Variants in PRR16 observed in about 807,000 individuals in gnomAD.
PRR16 encodes the protein proline rich 16, also known as protein Largen.
Under a neutral mutation model 18.2 loss-of-function variants are expected in PRR16, and 6 were observed. The observed-to-expected ratio is 0.33, with a 90% CI of 0.18 to 0.65. The LOEUF is 0.65. Among genes scored for constraint, PRR16 ranks in the 30% least tolerant of loss-of-function variants. The probability of loss-of-function intolerance (pLI) is 0.74; values close to 1 mark genes in which losing one functional copy is unlikely to be tolerated. For synonymous variants in PRR16, 151 were observed against 147.8 expected, an observed-to-expected ratio of 1.02 and a Z score of -0.16; for missense variants, 412 against 376.6, an observed-to-expected ratio of 1.09 and a Z score of -0.78.
intron 1 of PRR16, among the ~76,000 whole-genome samples, chr5:120,576,866 G>C (rs1753095680): frequency 6.6e-6 from 1 of 151,968 alleles, no homozygotes; most frequent in Non-Finnish European, 1.5e-5. Flanking sequence ...AGAGTTTTCT[G>C]CCTCTATAAT....
chr5:120,763,472 T>TTC, the PRR16 span, among the ~76,000 whole-genome samples: 2 of 152,158 alleles, frequency 1.3e-5, no homozygotes, highest in African/African-American at 4.8e-5. Context: ...TGGACATATT[T>TTC]TCCAAGGTAA....
intron 1 of PRR16, among the ~76,000 whole-genome samples, chr5:120,494,166 T>C (rs1288759834): frequency 2.0e-5 from 3 of 152,158 alleles, no homozygotes; most frequent in Non-Finnish European, 2.9e-5. Context: ...GTATAAGTTA[T>C]CTGGTTTCAC....
At chr5:120,700,426 C>T in the PRR16 span, among the ~76,000 whole-genome samples, 1 of 151,850 alleles carries the variant, frequency 6.6e-6, no homozygotes, top group South Asian at 2.1e-4. Context: ...GTATCTCATA[C>T]TTGTGGGTTA....
At chr5:120,482,760 T>C in intron 1 of PRR16, among the ~76,000 whole-genome samples, 1 of 152,294 alleles carries the variant, frequency 6.6e-6, no homozygotes, top group East Asian at 1.9e-4. Flanking sequence ...AAGAACCTTG[T>C]ATGCCTTTTA....
chr5:120,669,833 T>C (rs925720296), intron 1 of PRR16, among the ~76,000 whole-genome samples: 3 of 152,076 alleles, frequency 2.0e-5, no homozygotes, highest in Admixed American at 6.6e-5. Context: ...TAATAATTCA[T>C]AGAGAATTTA....
intron 1 of PRR16, chr5:120,481,108 A>C: frequency 8.4e-7 from 1 of 1,185,706 alleles, no homozygotes; most frequent in Non-Finnish European, 1.1e-6. Context: ...GAATTTTCAA[A>C]TTAAACACAG....
intron 1 of PRR16, among the ~76,000 whole-genome samples, chr5:120,613,161 G>C (rs1373061891): frequency 6.6e-6 from 1 of 152,144 alleles, no homozygotes; most frequent in Non-Finnish European, 1.5e-5. Flanking sequence ...ATAATGTCAA[G>C]TAAAATGAAG....
intron 1 of PRR16, among the ~76,000 whole-genome samples, chr5:120,486,710 A>T (rs189526694): frequency 0.011 from 1,672 of 152,232 alleles, 13 homozygotes; most frequent in East Asian, 0.033. Flanking sequence ...TTTAGACATG[A>T]AGTCCTTGCC....
the PRR16 span, among the ~76,000 whole-genome samples, chr5:120,748,366 A>G: frequency 5.3e-5 from 8 of 152,108 alleles, no homozygotes; most frequent in East Asian, 1.9e-4. Context: ...GAAATATCAC[A>G]TATTTTCCTT....
chr5:120,756,599 A>T, the PRR16 span, among the ~76,000 whole-genome samples: 1 of 151,838 alleles, frequency 6.6e-6, no homozygotes, highest in Admixed American at 6.6e-5. Context: ...GTCTTTTGAG[A>T]AGTGTCTGTT....
At chr5:120,554,796 C>T (rs570220363) in intron 1 of PRR16, among the ~76,000 whole-genome samples, 1 of 151,928 alleles carries the variant, frequency 6.6e-6, no homozygotes, top group South Asian at 2.1e-4. Flanking sequence ...GGTTGGGATT[C>T]GAAGGAAGGA....
At chr5:120,717,560 A>C in the PRR16 span, among the ~76,000 whole-genome samples, 1 of 152,334 alleles carries the variant, frequency 6.6e-6, no homozygotes, top group Non-Finnish European at 1.5e-5. Flanking sequence ...ACTGGCTGAA[A>C]ACAAAATGAC....
the PRR16 span, among the ~76,000 whole-genome samples, chr5:120,779,218 T>G: frequency 6.6e-6 from 1 of 152,146 alleles, no homozygotes; most frequent in Admixed American, 6.5e-5. Context: ...TGCAACAGTT[T>G]CTGTAAGCAG....
intron 1 of PRR16, among the ~76,000 whole-genome samples, chr5:120,475,187 T>C (rs1321084372): frequency 6.6e-6 from 1 of 152,150 alleles, no homozygotes; most frequent in African/African-American, 2.4e-5. Context: ...GAGAGGTTAA[T>C]TAAGAGCAAG....
chr5:120,592,259 C>T (rs1753661683), intron 1 of PRR16, among the ~76,000 whole-genome samples: 1 of 152,102 alleles, frequency 6.6e-6, no homozygotes, highest in South Asian at 2.1e-4. Flanking sequence ...GATTAAAATA[C>T]TCGACTTATT....
the PRR16 span, among the ~76,000 whole-genome samples, chr5:120,717,223 A>G: frequency 2.8e-4 from 43 of 152,338 alleles, no homozygotes; most frequent in African/African-American, 9.9e-4. Context: ...AGGTTTAACT[A>G]TTTACTAGCT....
rs149500694 is a variant in PRR16 at position 120,483,612 on chromosome 5, A to G, written c.159+18967A>G. Among the ~76,000 whole-genome samples, 56 of 152,282 alleles carry G rather than the reference A, an allele frequency of 3.7e-4. No homozygotes were observed. In the East Asian group the frequency reaches 9.8e-3, roughly 27 times the overall value. ...GTTTTAGGAAACACTGTTCTTGATCATGTTGATTGAATAAATGTCAGAATG... is the reference window on the plus strand; with the variant it reads ...GTTTTAGGAAACACTGTTCTTGATCGTGTTGATTGAATAAATGTCAGAATG... On this transcript the variant is annotated intron_variant, in intron 1 of 1. Transcript: ENST00000407149.
At chr5:120,680,926 C>A (rs921708947) in intron 1 of PRR16, among the ~76,000 whole-genome samples, 1 of 152,074 alleles carries the variant, frequency 6.6e-6, no homozygotes, top group Non-Finnish European at 1.5e-5. Flanking sequence ...TTTATTTATT[C>A]ACCTAAGTTG....
intron 1 of PRR16, among the ~76,000 whole-genome samples, chr5:120,618,134 T>G (rs1754574768): frequency 6.6e-6 from 1 of 152,112 alleles, no homozygotes; most frequent in Non-Finnish European, 1.5e-5. Flanking sequence ...GATGCCATGA[T>G]TAGTCAACTA....
Sources: allele counts gnomAD v4.1 joint callset (sites outside exome capture counted in the v4.1 genomes callset), GRCh38; gene constraint gnomAD v4.1.1; transcripts MANE v1.5; gene names NCBI Gene and HGNC (gene_info 2026-07-23, HGNC 2026-07-21).